Variants in SND1 observed in about 807,000 individuals in gnomAD.
SND1 encodes staphylococcal nuclease and tudor domain containing 1.
A neutral mutation model predicts 121.7 loss-of-function variants in SND1; 38 were observed. That is an observed-to-expected ratio of 0.31 (90% CI 0.24 to 0.41). SND1 has a LOEUF of 0.41. Ranked by LOEUF, SND1 falls within the 10% of genes least tolerant of loss-of-function variation. The pLI, the probability that SND1 is intolerant of heterozygous loss-of-function variation, is 1.00. For synonymous variants in SND1, 401 were observed against 447.4 expected (o/e 0.90, Z 1.31); for missense variants, 868 against 1,184.6 (o/e 0.73, Z 3.92).
chr7:127,677,396 TTGCCATATAC>T (rs1407645187), intron 1 of SND1, among the ~76,000 whole-genome samples: 1 of 152,256 alleles, frequency 6.6e-6, no homozygotes, highest in African/African-American at 2.4e-5. Context: ...TAAATTCTTA[TTGCCATATAC>T]TGCAGCTCCT....
chr7:127,853,733 A>G (rs1384934394), intron 12 of SND1, among the ~76,000 whole-genome samples: 9 of 152,132 alleles, frequency 5.9e-5, no homozygotes, highest in African/African-American at 1.9e-4. Flanking sequence ...TTTTCTCACA[A>G]GCCCTTTTTA....
intron 16 of SND1, among the ~76,000 whole-genome samples, chr7:128,037,277 G>C (rs1186336397): frequency 6.6e-6 from 1 of 152,112 alleles, no homozygotes; most frequent in African/African-American, 2.4e-5. Context: ...AGCCTTCCTT[G>C]ACTTACAGCT....
intron 10 of SND1, among the ~76,000 whole-genome samples, chr7:127,740,627 TAGCTCTTAA>T (rs1471851767): frequency 6.6e-6 from 1 of 152,200 alleles, no homozygotes; most frequent in Non-Finnish European, 1.5e-5. Flanking sequence ...ATCACCCAGG[TAGCTCTTAA>T]TTAGTGTACA....
intron 10 of SND1, among the ~76,000 whole-genome samples, chr7:127,798,678 T>C (rs1798071330): frequency 6.6e-6 from 1 of 152,194 alleles, no homozygotes; most frequent in Non-Finnish European, 1.5e-5. Context: ...TTGCCTTCGA[T>C]TTAAAAGTCA....
At chr7:127,747,159 G>A (rs1223564093) in intron 10 of SND1, among the ~76,000 whole-genome samples, 1 of 152,168 alleles carries the variant, frequency 6.6e-6, no homozygotes, top group Non-Finnish European at 1.5e-5. Flanking sequence ...GTGATTTGCA[G>A]GGCTACTTTC....
At chr7:128,058,950 T>C (rs983011370) in intron 16 of SND1, among the ~76,000 whole-genome samples, 7 of 152,088 alleles carry the variant, frequency 4.6e-5, no homozygotes, top group African/African-American at 1.7e-4. Context: ...CTCTCCAGCT[T>C]TTCCTCTGAG....
intron 10 of SND1, among the ~76,000 whole-genome samples, chr7:127,757,141 A>G (rs1156338919): frequency 5.9e-5 from 9 of 152,148 alleles, no homozygotes. Flanking sequence ...ATTATTCCAC[A>G]TCAATTAGTT....
At chr7:127,869,230 G>A (rs1203889291) in intron 12 of SND1, among the ~76,000 whole-genome samples, 2 of 152,156 alleles carry the variant, frequency 1.3e-5, no homozygotes, top group African/African-American at 4.8e-5. Context: ...TAGAGACAGA[G>A]GTCTTATGGT....
At chr7:127,724,953 A>G (rs748253773) in intron 10 of SND1, among the ~76,000 whole-genome samples, 1 of 152,112 alleles carries the variant, frequency 6.6e-6, no homozygotes, top group South Asian at 2.1e-4. Context: ...TTTTGACTTA[A>G]AGAAATCCCC....
chr7:127,685,171 T>A (rs1263437270), intron 1 of SND1, among the ~76,000 whole-genome samples: 2 of 152,208 alleles, frequency 1.3e-5, no homozygotes, highest in Admixed American at 1.3e-4. Context: ...TACATGTGGG[T>A]TTAAATTCAT....
In SND1 at chr7:127,868,468, T is replaced by C. The variant is rs554015562; in HGVS notation, c.1344-19434T>C. 2.0e-5 allele frequency among the ~76,000 whole-genome samples: 3 copies of C among 152,298 alleles called. No individual in the cohort carries two copies. In the South Asian group the frequency reaches 6.2e-4, roughly 32 times the overall value. Reference sequence around the variant, plus strand: ...CCAGTATGTAATATCTTTTCTGCCTTATAGAGGGTATTTGACTTAACAAAT... The same window carrying C: ...CCAGTATGTAATATCTTTTCTGCCTCATAGAGGGTATTTGACTTAACAAAT... On this transcript the variant is annotated intron_variant, in intron 12 of 23. Coordinates refer to ENST00000354725, the MANE Select transcript of SND1 (RefSeq NM_014390.4).
intron 16 of SND1, chr7:128,032,020 C>G (rs1216347220): frequency 6.6e-6 from 1 of 151,696 alleles, no homozygotes; most frequent in Admixed American, 6.6e-5. Context: ...CCCACCGTCT[C>G]CTCCTCGCGC....
chr7:128,082,919 A>G (rs575502630), intron 18 of SND1, among the ~76,000 whole-genome samples: 1 of 152,316 alleles, frequency 6.6e-6, no homozygotes, highest in African/African-American at 2.4e-5. Context: ...CTGAGGCAGA[A>G]AACAAGAGAA....
intron 10 of SND1, among the ~76,000 whole-genome samples, chr7:127,761,340 T>C (rs1797302702): frequency 6.6e-6 from 1 of 152,240 alleles, no homozygotes. Context: ...TCTGTGGTTA[T>C]CATTTTCTCA....
chr7:127,705,591 A>G (rs1021049888), intron 8 of SND1, among the ~76,000 whole-genome samples: 1 of 147,688 alleles, frequency 6.8e-6, no homozygotes, highest in African/African-American at 2.6e-5. Flanking sequence ...GCAGATGTAG[A>G]TGTAGATGTA....
At chr7:127,867,678 A>G (rs1799503538) in intron 12 of SND1, among the ~76,000 whole-genome samples, 1 of 152,160 alleles carries the variant, frequency 6.6e-6, no homozygotes, top group African/African-American at 2.4e-5. Context: ...CTGTCAGTGT[A>G]GAATAACTCA....
intron 12 of SND1, among the ~76,000 whole-genome samples, chr7:127,849,498 C>T (rs999021774): frequency 6.6e-6 from 1 of 152,208 alleles, no homozygotes; most frequent in East Asian, 1.9e-4. Flanking sequence ...CACACAGATA[C>T]ACACACTCAT....
chr7:127,792,355 T>C (rs568023557), intron 10 of SND1, among the ~76,000 whole-genome samples: 1 of 152,340 alleles, frequency 6.6e-6, no homozygotes, highest in East Asian at 1.9e-4. Context: ...TGCTATCTGA[T>C]GGTCACTTTT....
chr7:127,942,867 A>G (rs1301891444), intron 15 of SND1, among the ~76,000 whole-genome samples: 1 of 152,208 alleles, frequency 6.6e-6, no homozygotes, highest in Non-Finnish European at 1.5e-5. Flanking sequence ...TGATAATCCA[A>G]GTACAGATGA....
Sources: allele counts gnomAD v4.1 joint callset (sites outside exome capture counted in the v4.1 genomes callset), GRCh38; gene constraint gnomAD v4.1.1; transcripts MANE v1.5; gene names NCBI Gene and HGNC (gene_info 2026-07-23, HGNC 2026-07-21).